Variants in TMEM132D observed in about 807,000 individuals in gnomAD.
The protein encoded by TMEM132D is transmembrane protein 132D, also known as mature OL transmembrane protein.
TMEM132D carries 21 observed loss-of-function variants against 62.3 expected under a neutral mutation model. That is an observed-to-expected ratio of 0.34 (90% CI 0.24 to 0.49). The LOEUF (loss-of-function observed/expected upper bound fraction) is 0.49. Among genes scored for constraint, TMEM132D ranks in the 20% least tolerant of loss-of-function variants. TMEM132D has a pLI of 0.99. For missense variants in TMEM132D, 1,346 were observed against 1,402.8 expected (o/e 0.96, Z 0.65); for synonymous variants, 621 against 575.6 (o/e 1.08, Z -1.13).
intron 5 of TMEM132D, among the ~76,000 whole-genome samples, chr12:129,118,217 C>T (rs1047474478): frequency 6.6e-6 from 1 of 152,180 alleles, no homozygotes; most frequent in African/African-American, 2.4e-5. Context: ...CCTTCAAAAC[C>T]ATACTTTTGA....
chr12:129,234,465 G>A (rs1879728760), intron 4 of TMEM132D, among the ~76,000 whole-genome samples: 1 of 152,202 alleles, frequency 6.6e-6, no homozygotes, highest in African/African-American at 2.4e-5. Flanking sequence ...CACTCTGTGT[G>A]TTCAAGAAAA....
chr12:129,858,832 G>A (rs188449730), intron 1 of TMEM132D, among the ~76,000 whole-genome samples: 1 of 119,180 alleles, frequency 8.4e-6, no homozygotes, highest in Non-Finnish European at 1.8e-5. Context: ...AACGGAGTCC[G>A]GGGGAGCGGG....
chr12:129,853,996 C>A (rs76500728), intron 1 of TMEM132D, among the ~76,000 whole-genome samples: 6,627 of 152,218 alleles, frequency 0.044, 157 homozygotes, highest in Middle Eastern at 0.092. Flanking sequence ...AATGCAATAA[C>A]GCAAAGAAAA....
At chr12:129,643,714 C>T (rs1190284702) in intron 2 of TMEM132D, among the ~76,000 whole-genome samples, 1 of 152,160 alleles carries the variant, frequency 6.6e-6, no homozygotes, top group Non-Finnish European at 1.5e-5. Flanking sequence ...TGCCTCCTTT[C>T]GAGAGGCTCA....
At chr12:129,419,499 G>A (rs914216830) in intron 3 of TMEM132D, among the ~76,000 whole-genome samples, 2 of 150,946 alleles carry the variant, frequency 1.3e-5, no homozygotes, top group Non-Finnish European at 2.9e-5. Context: ...TTAGCAGAAG[G>A]AGGATGGTAA....
At chr12:129,304,698 TG>T (rs1323355397) in intron 4 of TMEM132D, among the ~76,000 whole-genome samples, 2 of 148,174 alleles carry the variant, frequency 1.3e-5, no homozygotes, top group Admixed American at 6.8e-5. Context: ...GATAGGGTCT[TG>T]CTCTGTCAGG....
intron 2 of TMEM132D, among the ~76,000 whole-genome samples, chr12:129,682,688 T>A (rs936174284): frequency 6.6e-6 from 1 of 151,608 alleles, no homozygotes; most frequent in African/African-American, 2.4e-5. Context: ...TGAAATCCTG[T>A]CTCTACTAAA....
rs1008796423 is a variant in TMEM132D at position 129,576,405 on chromosome 12, T to C, written c.969-45200A>G. Among the ~76,000 whole-genome samples, 3 of 151,936 alleles carry C rather than the reference T, an allele frequency of 2.0e-5. No homozygotes were observed. In the East Asian group the frequency reaches 5.8e-4, roughly 29 times the overall value. On this transcript the variant is annotated intron_variant, in intron 2 of 8. Coordinates refer to ENST00000422113, the MANE Select transcript of TMEM132D (RefSeq NM_133448.3). ...TCTCCAGAGAAACAGAACAACAGAATATATATATGTATATATTTGTATATG... is the reference window on the plus strand; with the variant it reads ...TCTCCAGAGAAACAGAACAACAGAACATATATATGTATATATTTGTATATG...
At chr12:129,256,193 C>A (rs1009955605) in intron 4 of TMEM132D, among the ~76,000 whole-genome samples, 1 of 152,106 alleles carries the variant, frequency 6.6e-6, no homozygotes, top group Non-Finnish European at 1.5e-5. Context: ...GATTCTCCTG[C>A]CTCAGCCACT....
intron 2 of TMEM132D, among the ~76,000 whole-genome samples, chr12:129,627,869 T>C (rs265616): frequency 0.23 from 34,251 of 151,726 alleles, 4,203 homozygotes; most frequent in Admixed American, 0.29. Flanking sequence ...TGCCTGGAGA[T>C]CCAGCTACTT....
At chr12:129,726,700 G>A (rs1163226599) in intron 1 of TMEM132D, among the ~76,000 whole-genome samples, 2 of 152,162 alleles carry the variant, frequency 1.3e-5, no homozygotes, top group African/African-American at 4.8e-5. Context: ...ACAGTTAGGA[G>A]GCAACTGCAG....
At chr12:129,674,186 C>T (rs1040476882) in intron 2 of TMEM132D, among the ~76,000 whole-genome samples, 4 of 152,140 alleles carry the variant, frequency 2.6e-5, no homozygotes, top group Non-Finnish European at 5.9e-5. Flanking sequence ...GTGCTAATTC[C>T]GGAGGCATCA....
chr12:129,522,329 T>C (rs1246083095), intron 3 of TMEM132D, among the ~76,000 whole-genome samples: 1 of 152,196 alleles, frequency 6.6e-6, no homozygotes. Flanking sequence ...AAGATGATAC[T>C]TTGCACCAGT....
intron 1 of TMEM132D, among the ~76,000 whole-genome samples, chr12:129,892,144 G>A (rs1874944961): frequency 6.6e-6 from 1 of 152,164 alleles, no homozygotes; most frequent in Non-Finnish European, 1.5e-5. Context: ...TTAGCTCTGA[G>A]AGTCCTAAAA....
At chr12:129,543,185 G>T (rs1045781245) in intron 2 of TMEM132D, among the ~76,000 whole-genome samples, 1 of 132,324 alleles carries the variant, frequency 7.6e-6, no homozygotes, top group Non-Finnish European at 1.6e-5. Flanking sequence ...GTGGGTGGAT[G>T]GATGGATGAG....
chr12:129,702,274 C>A (rs1395961096), intron 1 of TMEM132D, among the ~76,000 whole-genome samples: 1 of 152,274 alleles, frequency 6.6e-6, no homozygotes, highest in East Asian at 1.9e-4. Flanking sequence ...GAGCAGTCTG[C>A]ATCCACCCAA....
intron 1 of TMEM132D, among the ~76,000 whole-genome samples, chr12:129,875,289 G>A (rs1874379399): frequency 1.3e-5 from 2 of 152,200 alleles, no homozygotes. Context: ...AGAAAGCGCT[G>A]ATGTCCGATG....
chr12:129,529,807 G>A (rs2137088289), intron 3 of TMEM132D, among the ~76,000 whole-genome samples: 1 of 152,048 alleles, frequency 6.6e-6, no homozygotes, highest in Admixed American at 6.6e-5. Context: ...CCCAATTTTT[G>A]CTAACTACAA....
intron 2 of TMEM132D, among the ~76,000 whole-genome samples, chr12:129,638,486 AT>A (rs1388539623): frequency 2.1e-5 from 1 of 47,920 alleles, no homozygotes; most frequent in Non-Finnish European, 4.9e-5. Flanking sequence ...ATATAGTGTG[AT>A]TTTTTATATA....
Sources: gnomAD v4.1 joint callset for allele counts (sites outside exome capture counted in the v4.1 genomes callset) on GRCh38, gnomAD v4.1.1 for gene constraint, MANE v1.5 for transcripts, NCBI Gene and HGNC (gene_info 2026-07-23, HGNC 2026-07-21) for gene names.